PGAP4: variants seen among roughly 807,000 people sequenced by gnomAD.
PGAP4 encodes the protein post-GPI attachment to proteins GalNAc transferase 4.
In PGAP4, 12 loss-of-function variants were observed where a neutral mutation model predicts 28.2. The observed-to-expected ratio is 0.42, with a 90% CI of 0.27 to 0.69. The LOEUF (loss-of-function observed/expected upper bound fraction) is 0.69, where lower values mean the gene tolerates loss of function less well. PGAP4 is among the 30% of genes least tolerant of loss of function. PGAP4 has a pLI of 0.22. For missense variants in PGAP4, 425 were observed against 513.5 expected, an observed-to-expected ratio of 0.83 and a Z score of 1.67; for synonymous variants, 205 against 211.8, an observed-to-expected ratio of 0.97 and a Z score of 0.28.
intron 2 of PGAP4, among the ~76,000 whole-genome samples, chr9:101,492,914 G>C (rs570535014): frequency 1.3e-5 from 2 of 152,062 alleles, no homozygotes; most frequent in South Asian, 2.1e-4. Flanking sequence ...AGCAAGTAAG[G>C]CTTCTGCTTT....
At chr9:101,511,898 G>A (rs1826901544) in intron 2 of PGAP4, among the ~76,000 whole-genome samples, 1 of 152,212 alleles carries the variant, frequency 6.6e-6, no homozygotes, top group East Asian at 1.9e-4. Context: ...TCTTCCTGGT[G>A]CATGCTCTCA....
chr9:101,513,548 C>G (rs1344026662), intron 2 of PGAP4, among the ~76,000 whole-genome samples: 4 of 152,134 alleles, frequency 2.6e-5, no homozygotes, highest in African/African-American at 9.7e-5. Context: ...CCTGTTGTAG[C>G]TACAATGCCA....
rs950348500 is a variant in PGAP4, at chr9:101,510,383, G to GT, written c.-165+20964dup. 6.0e-4 allele frequency among the ~76,000 whole-genome samples: 67 copies of GT among 112,020 alleles called. No individual in the cohort carries two copies. In the East Asian group the frequency reaches 0.019, roughly 32 times the overall value. 73.5% of individuals were successfully genotyped at this position (112,020 alleles called of 152,430 possible). A position where few individuals can be genotyped will look rare whatever the true frequency, so the allele number is the denominator to read the frequency against. On this transcript the variant is annotated intron_variant, in intron 2 of 3. Coordinates refer to the PGAP4 transcript ENST00000374851. ...AATTGCTTCTGTTCGTTATGTTCAT[G>GT]TTTTTTTTTTCTTTTGAAAAACTGC...
At chr9:101,505,446 A>C (rs1056917056) in intron 2 of PGAP4, among the ~76,000 whole-genome samples, 1 of 152,092 alleles carries the variant, frequency 6.6e-6, no homozygotes, top group Non-Finnish European at 1.5e-5. Context: ...TGAAAATACA[A>C]GCTATATCCC....
At chr9:101,508,202 C>G (rs562956373) in intron 2 of PGAP4, among the ~76,000 whole-genome samples, 1 of 149,394 alleles carries the variant, frequency 6.7e-6, no homozygotes, top group Admixed American at 6.7e-5. Flanking sequence ...TATGCATTCA[C>G]CATCCAATAT....
chr9:101,495,584 G>T (rs10125893), intron 2 of PGAP4, among the ~76,000 whole-genome samples: 25,253 of 147,002 alleles, frequency 0.17, 2,318 homozygotes, highest in East Asian at 0.23. Flanking sequence ...GATGTCAAAG[G>T]TTTAAAACAG....
chr9:101,492,749 C>T (rs1826702411), intron 2 of PGAP4, among the ~76,000 whole-genome samples: 1 of 152,028 alleles, frequency 6.6e-6, no homozygotes, highest in Non-Finnish European at 1.5e-5. Flanking sequence ...AGTATCTTTC[C>T]TGTGACTGAG....
chr9:101,487,416 G>A (rs1389084909), upstream of PGAP4, among the ~76,000 whole-genome samples: 1 of 152,202 alleles, frequency 6.6e-6, no homozygotes, highest in East Asian at 1.9e-4. Context: ...TTTGGGTCTT[G>A]AATGTTTTTC....
intron 2 of PGAP4, among the ~76,000 whole-genome samples, chr9:101,505,225 T>TA (rs1450444733): frequency 4.6e-5 from 7 of 151,818 alleles, no homozygotes; most frequent in African/African-American, 1.4e-4. Flanking sequence ...ATTTTTTTTT[T>TA]ACCAAAGATA....
Position 101,474,531 on chromosome 9 carries a change from T to C in PGAP4, c.*1350A>G, listed in dbSNP as rs970810169. ...AGCTGGAGATCATTTCCAGTTTGAA[T>C]GAACAATTCTTCTTTTTGGCTTGGG... On this transcript the variant is annotated 3_prime_UTR_variant, in exon 2 of 2. Coordinates refer to ENST00000374848, the MANE Select transcript of PGAP4 (RefSeq NM_032342.3). The C allele has an allele frequency of 3.9e-5, 6 of 152,252 alleles. No individual in the cohort carries two copies. The highest frequency in any genetic ancestry group is 1.4e-4 in the African/African-American group (6 of 41,470). 9.4% of individuals were successfully genotyped at this position (152,252 alleles called of 1,614,324 possible). A position where few individuals can be genotyped will look rare whatever the true frequency, so the allele number is the denominator to read the frequency against.
Position 101,485,113 on chromosome 9 carries a change from G to GTATA in PGAP4, c.-78+1832_-78+1835dup, listed in dbSNP as rs139757582. Among the ~76,000 whole-genome samples, 920 of 151,914 alleles carry GTATA rather than the reference G, an allele frequency of 6.1e-3. 3 individuals are homozygous for GTATA. The highest frequency in any genetic ancestry group is 9.5e-3 in the Non-Finnish European group (647 of 67,938). On this transcript the variant is annotated intron_variant, in intron 1 of 1. Coordinates refer to ENST00000374848, the MANE Select transcript of PGAP4 (RefSeq NM_032342.3). ...CTATAGCTATAATAAATTAAATGAT[G>GTATA]TATATATATATCTGTTTGTGGATTT...
chr9:101,509,191 T>C (rs1826875278), intron 2 of PGAP4, among the ~76,000 whole-genome samples: 1 of 152,170 alleles, frequency 6.6e-6, no homozygotes. Context: ...TTTTGAAAGC[T>C]GAGATAGGTG....
chr9:101,511,945 T>C (rs896619933), intron 2 of PGAP4, among the ~76,000 whole-genome samples: 1 of 152,116 alleles, frequency 6.6e-6, no homozygotes, highest in African/African-American at 2.4e-5. Flanking sequence ...ATCCACCCAA[T>C]GCCAAATAGT....
chr9:101,531,894 G>T (rs1827093564), intron 1 of PGAP4, among the ~76,000 whole-genome samples: 1 of 152,206 alleles, frequency 6.6e-6, no homozygotes, highest in Admixed American at 6.5e-5. Flanking sequence ...CTATACTAGT[G>T]CTAAGGAACC....
At chr9:101,524,012 G>T (rs180928314) in intron 2 of PGAP4, among the ~76,000 whole-genome samples, 4 of 151,892 alleles carry the variant, frequency 2.6e-5, no homozygotes, top group African/African-American at 9.7e-5. Flanking sequence ...TCTCTTCTGG[G>T]TCTAGGCACC....
intron 1 of PGAP4, among the ~76,000 whole-genome samples, chr9:101,484,708 G>A (rs1024498118): frequency 4.5e-4 from 68 of 152,258 alleles, no homozygotes; most frequent in Middle Eastern, 3.4e-3. Context: ...CCCTGATCTG[G>A]AACTTCCAGC....
intron 2 of PGAP4, among the ~76,000 whole-genome samples, chr9:101,527,467 A>T (rs1827045536): frequency 6.6e-6 from 1 of 152,184 alleles, no homozygotes; most frequent in Non-Finnish European, 1.5e-5. Context: ...AGTTATATTT[A>T]TATCAATTCT....
intron 2 of PGAP4, among the ~76,000 whole-genome samples, chr9:101,500,144 T>A (rs1389188412): frequency 6.6e-6 from 1 of 152,050 alleles, no homozygotes; most frequent in Non-Finnish European, 1.5e-5. Flanking sequence ...CTTGGTCTTT[T>A]TACTAGTTTC....
chr9:101,478,874 C>T (rs1038926127), intron 1 of PGAP4, among the ~76,000 whole-genome samples: 11 of 152,218 alleles, frequency 7.2e-5, no homozygotes, highest in Non-Finnish European at 1.5e-4. Context: ...TGTGTCTAGA[C>T]ACCAATAATT....
Sources: allele counts gnomAD v4.1 joint callset (sites outside exome capture counted in the v4.1 genomes callset), GRCh38; gene constraint gnomAD v4.1.1; transcripts MANE v1.5; gene names NCBI Gene and HGNC (gene_info 2026-07-23, HGNC 2026-07-21).